Variants in CREB3L1 observed in about 807,000 individuals in gnomAD.
The protein encoded by CREB3L1 is cyclic AMP-responsive element-binding protein 3-like protein 1.
Under a neutral mutation model 54.5 loss-of-function variants are expected in CREB3L1, and 33 were observed. The observed-to-expected ratio is 0.61, with a 90% CI of 0.46 to 0.81. The LOEUF is 0.81. Ranked by LOEUF, CREB3L1 falls within the 30% of genes least tolerant of loss-of-function variation. The pLI is 0.00. For missense variants in CREB3L1, 656 were observed against 673.3 expected, an observed-to-expected ratio of 0.97 and a Z score of 0.29; for synonymous variants, 284 against 286.4, an observed-to-expected ratio of 0.99 and a Z score of 0.08.
Position 46,278,335 on chromosome 11 carries a change from A to G in CREB3L1, c.102+122A>G. On this transcript the variant is annotated intron_variant, in intron 1 of 11. Transcript: ENST00000621158. This position sits in a 1 kb window ranked among gnomAD's most constrained non-coding sequence, Gnocchi z 4.2. ...AGGAGCCGGGGAGAGGGTTCAGCGC[A>G]GGGTCTCCAGGAGCGACATGTGTTT... 5 of 583,622 alleles carry G rather than the reference A, an allele frequency of 8.6e-6. No homozygotes were observed. The South Asian group carries it at 1.1e-4, about 13-fold the overall frequency. 36.2% of individuals were successfully genotyped at this position (583,622 alleles called of 1,614,324 possible). A position where few individuals can be genotyped will look rare whatever the true frequency, so the allele number is the denominator to read the frequency against.
chr11:46,315,509 A>C (rs963626729), intron 8 of CREB3L1: 3 of 202,700 alleles, frequency 1.5e-5, no homozygotes, highest in Admixed American at 1.2e-4. Context: ...TAAATAAACG[A>C]AGTGCCGTGA....
At position 46,320,695 on chromosome 11, in the gene CREB3L1, C is replaced by G. The variant is rs748481462; in HGVS notation, c.1524-15C>G. ...CCTGCTGGACAGTCATCGCTGGCCTCTCTTCTCTCTCCAGGGATCTGGGCC... is the reference window on the plus strand; with the variant it reads ...CCTGCTGGACAGTCATCGCTGGCCTGTCTTCTCTCTCCAGGGATCTGGGCC... On this transcript the variant is annotated splice_polypyrimidine_tract_variant and intron_variant, in intron 11 of 11. Transcript: ENST00000621158. 8 of 1,609,024 alleles carry G rather than the reference C, an allele frequency of 5.0e-6. No homozygotes were observed. Among genetic ancestry groups the G allele is most frequent in the Middle Eastern group, 1.6e-4 (1 of 6,076 alleles).
In CREB3L1 at chr11:46,300,025, G is replaced by T; in HGVS notation, c.193G>T (p.Asp65Tyr). 2 of 1,613,972 alleles carry T rather than the reference G, an allele frequency of 1.2e-6. No individual in the cohort carries two copies. Among genetic ancestry groups the T allele is most frequent in the South Asian group, 2.2e-5 (2 of 91,082 alleles). The part of the protein sequence containing the change: ...FSSFFDDPVL[D>Y]EKSPLLDMEL... The stretch of plus-strand genomic sequence containing the variant: ...CAGCTTCTTTGATGACCCTGTGCTG[G>T]ATGAGAAGAGCCCTCTATTGGACAT... Residue 65 changes from aspartate (D) to tyrosine (Y), a missense_variant, in exon 2 of 12, where the codon GAT becomes TAT. By Grantham distance (160) the Asp-to-Tyr change is radical. Coordinates refer to ENST00000621158, the MANE Select transcript of CREB3L1 (RefSeq NM_052854.4).
At chr11:46,298,843 C>T (rs946419735) in intron 1 of CREB3L1, among the ~76,000 whole-genome samples, 2 of 152,186 alleles carry the variant, frequency 1.3e-5, no homozygotes, top group African/African-American at 4.8e-5. Flanking sequence ...TGAGTAATTA[C>T]TATGTGCCAG....
intron 1 of CREB3L1, among the ~76,000 whole-genome samples, chr11:46,286,778 C>A (rs1939060707): frequency 6.6e-6 from 1 of 151,922 alleles, no homozygotes; most frequent in African/African-American, 2.4e-5. Flanking sequence ...GAACAAGACT[C>A]TGTCTCAAAA....
At chr11:46,313,174 C>A (rs1351679890) in intron 8 of CREB3L1, among the ~76,000 whole-genome samples, 1 of 152,138 alleles carries the variant, frequency 6.6e-6, no homozygotes, top group Non-Finnish European at 1.5e-5. Context: ...GTCCTCAGAC[C>A]AGCAACAATC....
chr11:46,291,172 C>T (rs1230726758), intron 1 of CREB3L1, among the ~76,000 whole-genome samples: 5 of 152,182 alleles, frequency 3.3e-5, no homozygotes, highest in Non-Finnish European at 7.3e-5. Context: ...CTTCTCTTCT[C>T]CTTGGAAGGG....
intron 7 of CREB3L1, 65 bp from the exon 8 acceptor site, chr11:46,312,786 T>A (rs764602822): frequency 6.8e-5 from 105 of 1,548,676 alleles, no homozygotes; most frequent in Non-Finnish European, 9.1e-5. Context: ...GGTGGTGGGC[T>A]GGGCCGAGGA....
chr11:46,291,162 C>T (rs575085649), intron 1 of CREB3L1, among the ~76,000 whole-genome samples: 83 of 152,298 alleles, frequency 5.4e-4, no homozygotes, highest in African/African-American at 1.9e-3. Flanking sequence ...GGTGCCAGTC[C>T]TTCTCTTCTC....
chr11:46,309,875 C>T, intron 3 of CREB3L1, 114 bp from the exon 4 acceptor site: 2 of 783,656 alleles, frequency 2.6e-6, no homozygotes, highest in Non-Finnish European at 4.2e-6. Flanking sequence ...CCAAGCCCAG[C>T]CACTTCCCCA....
At chr11:46,285,635 G>T (rs75553405) in intron 1 of CREB3L1, among the ~76,000 whole-genome samples, 1 of 152,040 alleles carries the variant, frequency 6.6e-6, no homozygotes, top group Non-Finnish European at 1.5e-5. Context: ...CTTCCCTGCC[G>T]CCGGGTTCAG....
At chr11:46,308,469 C>T (rs747456689) in intron 3 of CREB3L1, among the ~76,000 whole-genome samples, 6 of 152,276 alleles carry the variant, frequency 3.9e-5, no homozygotes, top group Non-Finnish European at 7.3e-5. Flanking sequence ...GAACTCCCTC[C>T]TCCACCAATG....
chr11:46,287,674 A>T (rs1366219651), intron 1 of CREB3L1, among the ~76,000 whole-genome samples: 1 of 152,122 alleles, frequency 6.6e-6, no homozygotes, highest in Non-Finnish European at 1.5e-5. Flanking sequence ...ACAGGCATGT[A>T]ATACATAATA....
intron 9 of CREB3L1, 45 bp downstream of exon 9, chr11:46,316,430 T>C: frequency 7.6e-7 from 1 of 1,311,152 alleles, no homozygotes; most frequent in East Asian, 2.5e-5. Flanking sequence ...AGGAGAGTTC[T>C]TCCCAAGGCT....
intron 2 of CREB3L1, among the ~76,000 whole-genome samples, chr11:46,306,375 G>A (rs1052503602): frequency 4.6e-5 from 7 of 152,068 alleles, no homozygotes; most frequent in Non-Finnish European, 1.0e-4. Flanking sequence ...ATGGTGGCAT[G>A]CGCCTGTAGT....
Position 46,308,016 on chromosome 11 carries a change from G to C in CREB3L1, c.516+16G>C. 2.7e-6 allele frequency: 4 copies of C among 1,503,536 alleles called. No individual in the cohort carries two copies. Among genetic ancestry groups the C allele is most frequent in the Non-Finnish European group, 2.7e-6 (3 of 1,124,522 alleles). 93.1% of individuals were successfully genotyped at this position (1,503,536 alleles called of 1,614,324 possible). On this transcript the variant is annotated intron_variant, in intron 3 of 11. Transcript: ENST00000621158. ...CCCCCACCAGGTGAGCCTGGGAACTGTTTGTAGCGGCTGAGGGAGGGAGGA... is the reference window on the plus strand; with the variant it reads ...CCCCCACCAGGTGAGCCTGGGAACTCTTTGTAGCGGCTGAGGGAGGGAGGA...
Position 46,320,517 on chromosome 11 carries a change from G to A in CREB3L1, c.1512G>A (p.Trp504Ter), listed in dbSNP as rs770830675. ...TSPDFSHSKEWFHDRDLGPNT... is the reference protein window; with the variant it reads ...TSPDFSHSKE The stretch of plus-strand genomic sequence containing the variant: ...CCGACTTCTCCCACTCCAAGGAGTG[G>A]TTCCACGACAGGTGGGGTGTGTGGC... Residue 504 changes from tryptophan (W) to a stop codon, truncating the protein, a stop_gained, in exon 11 of 12, where the codon TGG (tryptophan) becomes TGA (stop). Coordinates refer to ENST00000621158, the MANE Select transcript of CREB3L1 (RefSeq NM_052854.4). LOFTEE classifies it high-confidence loss of function. 9 of 1,486,810 alleles carry A rather than the reference G, an allele frequency of 6.1e-6. No individual in the cohort carries two copies. Among genetic ancestry groups the A allele is most frequent in the Non-Finnish European group, 7.1e-6 (8 of 1,123,716 alleles). The allele number at this position is 1,486,810 out of a possible 1,614,324, so 92.1% of individuals were successfully genotyped here.
chr11:46,290,628 G>A (rs550397812), intron 1 of CREB3L1, among the ~76,000 whole-genome samples: 2 of 151,800 alleles, frequency 1.3e-5, no homozygotes, highest in Admixed American at 1.3e-4. Flanking sequence ...GGAGGGGAAG[G>A]GCTCCTGCCT....
rs1334187551 is a variant in CREB3L1, at chr11:46,278,317, G to A, written c.102+104G>A. 14 of 661,680 alleles carry A rather than the reference G, an allele frequency of 2.1e-5. No individual in the cohort carries two copies. Among genetic ancestry groups the A allele is most frequent in the African/African-American group, 2.1e-4 (11 of 53,614 alleles). The allele number at this position is 661,680 out of a possible 1,614,324, so 41.0% of individuals were successfully genotyped here. On this transcript the variant is annotated intron_variant, in intron 1 of 11. Transcript: ENST00000621158. The surrounding 1 kb of genome is among the most constrained non-coding windows in gnomAD (Gnocchi z 4.2). ...GACTACACATCACTGGGCAGGAGCCGGGGAGAGGGTTCAGCGCAGGGTCTC... is the reference window on the plus strand; with the variant it reads ...GACTACACATCACTGGGCAGGAGCCAGGGAGAGGGTTCAGCGCAGGGTCTC...
Sources: gnomAD v4.1 joint callset for allele counts (sites outside exome capture counted in the v4.1 genomes callset) on GRCh38, gnomAD v4.1.1 for gene constraint, Gnocchi (gnomAD v3.1) non-coding constraint, MANE v1.5 for transcripts, NCBI Gene and HGNC (gene_info 2026-07-23, HGNC 2026-07-21) for gene names.